Variants in NFU1 observed in about 807,000 individuals in gnomAD.
NFU1 encodes the protein NFU1 iron-sulfur cluster scaffold.
Under a neutral mutation model 32.2 loss-of-function variants are expected in NFU1, and 30 were observed. The ratio of observed to expected loss-of-function variants is 0.93; its 90% CI spans 0.70 to 1.26. The LOEUF (loss-of-function observed/expected upper bound fraction) is 1.26, where lower values mean the gene tolerates loss of function less well. Among genes scored for constraint, NFU1 ranks in the 50% most tolerant of loss-of-function variants. The probability of loss-of-function intolerance (pLI) is 0.00; values close to 1 mark genes in which losing one functional copy is unlikely to be tolerated. For missense variants in NFU1, 306 were observed against 306.6 expected (o/e 1.00, Z 0.02); for synonymous variants, 112 against 104.6 (o/e 1.07, Z -0.43).
intron 3 of NFU1, among the ~76,000 whole-genome samples, chr2:69,420,291 C>T (rs1673195851): frequency 6.6e-6 from 1 of 152,152 alleles, no homozygotes; most frequent in African/African-American, 2.4e-5. Context: ...AGCCACCACA[C>T]CCAGCCTAAA....
chr2:69,430,657 A>G (rs1673608897), intron 2 of NFU1, among the ~76,000 whole-genome samples: 1 of 152,244 alleles, frequency 6.6e-6, no homozygotes, highest in South Asian at 2.1e-4. Flanking sequence ...ATATGACCAC[A>G]TATTTCAGTC....
chr2:69,439,520 A>C (rs989701231), upstream of NFU1, among the ~76,000 whole-genome samples: 1 of 152,214 alleles, frequency 6.6e-6, no homozygotes, highest in African/African-American at 2.4e-5. Flanking sequence ...TACAAAGAGC[A>C]AAAGAACAAA....
Position 69,437,349 on chromosome 2 carries a change from C to G in NFU1, c.62+12G>C. 6.2e-7 allele frequency: 1 copy of G among 1,605,234 alleles called. No individual in the cohort carries two copies. Among genetic ancestry groups the G allele is most frequent in the East Asian group, 2.2e-5 (1 of 44,682 alleles). Reference sequence around the variant, plus strand: ...CGGCACACCTATTCGGAGCTCCAGGCTCGTCACCTACCGCCTGCGCAGCCC... The same window carrying G: ...CGGCACACCTATTCGGAGCTCCAGGGTCGTCACCTACCGCCTGCGCAGCCC... On this transcript the variant is annotated intron_variant, in intron 1 of 7. Transcript: ENST00000410022.
At chr2:69,419,730 CAT>C in intron 3 of NFU1, 126 bp from the exon 4 acceptor site, 1 of 663,584 alleles carries the variant, frequency 1.5e-6, no homozygotes, top group South Asian at 1.8e-5. Flanking sequence ...ATGATCAACT[CAT>C]GGCCAATTTT....
At chr2:69,402,746 T>C (rs1294302717) in intron 6 of NFU1, among the ~76,000 whole-genome samples, 1 of 152,042 alleles carries the variant, frequency 6.6e-6, no homozygotes. Context: ...CATGCGTGGC[T>C]AATTTTTTAT....
At chr2:69,412,852 T>C (rs1261614277) in intron 5 of NFU1, among the ~76,000 whole-genome samples, 1 of 112,058 alleles carries the variant, frequency 8.9e-6, no homozygotes, top group Non-Finnish European at 1.7e-5. Flanking sequence ...AGCAGGTCAC[T>C]GTCTCAAAAA....
At chr2:69,395,939 G>GA (rs555006780), downstream of NFU1, 457 of 248,620 alleles carry the variant, frequency 1.8e-3, 2 homozygotes, top group Non-Finnish European at 2.9e-3. Context: ...TTCCTGTATG[G>GA]AAAAAAGTAA....
At position 69,407,884 on chromosome 2, in the gene NFU1, A is replaced by G. The variant is rs1574119400; in HGVS notation, c.485-1802T>C. ...AAAAATTAGCTGGATGTGGTGGCAC[A>G]CGCCTGTAATCTCAGTTACTTGGGA... On this transcript the variant is annotated intron_variant, in intron 5 of 7. Coordinates refer to ENST00000410022, the MANE Select transcript of NFU1 (RefSeq NM_001002755.4). 1.3e-5 allele frequency among the ~76,000 whole-genome samples: 2 copies of G among 151,598 alleles called. 1 individual carries two copies. The highest frequency in any genetic ancestry group is 6.8e-3 in the Middle Eastern group (2 of 294).
intron 1 of NFU1, among the ~76,000 whole-genome samples, chr2:69,435,140 T>C (rs935577817): frequency 1.3e-5 from 2 of 152,196 alleles, no homozygotes; most frequent in Non-Finnish European, 2.9e-5. Flanking sequence ...CCTCCAAACC[T>C]GGTGGTCTTT....
intron 2 of NFU1, among the ~76,000 whole-genome samples, chr2:69,426,923 G>C (rs544716056): frequency 8.0e-5 from 12 of 150,758 alleles, no homozygotes; most frequent in African/African-American, 2.9e-4. Context: ...ACAAAAATTA[G>C]CCAGACGTGG....
At chr2:69,432,685 T>A (rs544720624) in intron 1 of NFU1, among the ~76,000 whole-genome samples, 61 of 152,264 alleles carry the variant, frequency 4.0e-4, no homozygotes, top group South Asian at 1.9e-3. Flanking sequence ...TTTATTTTTT[T>A]AAAAAATTTA....
At chr2:69,398,232 A>C (rs529703274) in intron 7 of NFU1, among the ~76,000 whole-genome samples, 5 of 152,348 alleles carry the variant, frequency 3.3e-5, no homozygotes, top group African/African-American at 1.2e-4. Flanking sequence ...CAAGTCTCTT[A>C]GGGAGCTTCC....
chr2:69,423,687 G>A lies in NFU1; in HGVS notation c.197C>T (p.Thr66Ile), dbSNP rs1206637644. The change falls in exon 3 of 8, where the codon ACC (threonine) becomes ATC (isoleucine). Residue 66 changes from threonine to isoleucine, a missense_variant. Physicochemically the swap from Thr to Ile is moderately conservative, Grantham distance 89. Coordinates refer to ENST00000410022, the MANE Select transcript of NFU1 (RefSeq NM_001002755.4). ...AAACTTTAAGCTGTTTGGATTTGGG[G>A]TATCTTGTGTTTGAATAAACATGTA... Reference protein sequence around the residue: ...VRYMFIQTQDTPNPNSLKFIP... With the variant: ...VRYMFIQTQDIPNPNSLKFIP... 6.2e-7 allele frequency: 1 copy of A among 1,605,714 alleles called. No individual in the cohort carries two copies. Among genetic ancestry groups the A allele is most frequent in the Non-Finnish European group, 8.5e-7 (1 of 1,172,618 alleles).
upstream of NFU1, among the ~76,000 whole-genome samples, chr2:69,439,467 A>G (rs1312792723): frequency 3.9e-5 from 6 of 152,214 alleles, no homozygotes; most frequent in African/African-American, 1.4e-4. Context: ...TACAGTTCAT[A>G]AAGACAGCAC....
intron 2 of NFU1, among the ~76,000 whole-genome samples, chr2:69,424,219 A>ATCTCTCTCTC (rs1373497650): frequency 0.017 from 2,203 of 126,836 alleles, 80 homozygotes; most frequent in African/African-American, 0.06. Context: ...ATATATATAT[A>ATCTCTCTCTC]TCTCAATATA....
intron 2 of NFU1, among the ~76,000 whole-genome samples, chr2:69,428,413 T>G (rs916379873): frequency 6.6e-6 from 1 of 151,544 alleles, no homozygotes; most frequent in Admixed American, 6.6e-5. Context: ...CGAGACATAG[T>G]GAGACTCTGT....
At chr2:69,399,587 T>A (rs1243095114) in intron 7 of NFU1, among the ~76,000 whole-genome samples, 1 of 141,486 alleles carries the variant, frequency 7.1e-6, no homozygotes, top group Non-Finnish European at 1.5e-5. Flanking sequence ...AAGACCAACT[T>A]GGGCAACATA....
At chr2:69,400,704 AATTTTTTTTTTTTACTCTCAG>A (rs1672495184) in intron 6 of NFU1, among the ~76,000 whole-genome samples, 166 bp from the exon 7 acceptor site, 1 of 122,492 alleles carries the variant, frequency 8.2e-6, no homozygotes, top group Non-Finnish European at 1.8e-5. Context: ...TTTAGAATTA[AATTTTTTTTTTTTACTCTCAG>A]GTAAAATACC....
chr2:69,405,524 G>T (rs1264306297), intron 6 of NFU1, among the ~76,000 whole-genome samples: 2 of 152,132 alleles, frequency 1.3e-5, no homozygotes, highest in East Asian at 3.9e-4. Context: ...GCTTGCTCTG[G>T]CAGCTATCTA....
Sources: gnomAD v4.1 joint callset for allele counts (sites outside exome capture counted in the v4.1 genomes callset) on GRCh38, gnomAD v4.1.1 for gene constraint, MANE v1.5 for transcripts, NCBI Gene and HGNC (gene_info 2026-07-23, HGNC 2026-07-21) for gene names.